The following ACSF3 variants were observed in gnomAD, a reference collection of about 807,000 sequenced individuals.
The protein encoded by ACSF3 is acyl-CoA synthetase family member 3.
Under a neutral mutation model 53.2 loss-of-function variants are expected in ACSF3, and 78 were observed. The observed-to-expected ratio is 1.47, with a 90% CI of 1.22 to 1.77. The LOEUF (loss-of-function observed/expected upper bound fraction) is 1.77, where lower values mean the gene tolerates loss of function less well. ACSF3 is among the 40% of genes most tolerant of loss of function. The pLI is 0.00. For synonymous variants in ACSF3, 414 were observed against 333.1 expected, an observed-to-expected ratio of 1.24 and a Z score of -2.65; for missense variants, 937 against 771.1, an observed-to-expected ratio of 1.22 and a Z score of -2.55.
At chr16:89,152,939 G>C (rs967586383) in intron 10 of ACSF3, 1 of 152,162 alleles carries the variant, frequency 6.6e-6, no homozygotes, top group East Asian at 1.9e-4. Flanking sequence ...GGTTGACAGC[G>C]ACACCGAGGT....
chr16:89,121,253 G>C (rs1209031341), intron 7 of ACSF3, among the ~76,000 whole-genome samples: 1 of 152,248 alleles, frequency 6.6e-6, no homozygotes, highest in Admixed American at 6.5e-5. Context: ...AAGCGGAAGA[G>C]ATAAAGAGCA....
intron 3 of ACSF3, 102 bp from the exon 4 acceptor site, chr16:89,102,502 G>A (rs979238832): frequency 5.1e-6 from 7 of 1,384,116 alleles, no homozygotes; most frequent in Non-Finnish European, 6.1e-6. Flanking sequence ...CCCTTCCTCA[G>A]TGGGGAGGCC....
At chr16:89,144,289 G>A (rs1423079142) in intron 8 of ACSF3, among the ~76,000 whole-genome samples, 2 of 152,252 alleles carry the variant, frequency 1.3e-5, no homozygotes, top group African/African-American at 4.8e-5. Flanking sequence ...TCCAGGAACT[G>A]CACGGGGAGG....
At chr16:89,102,785 T>C in intron 4 of ACSF3, 26 bp downstream of exon 4, 1 of 1,596,990 alleles carries the variant, frequency 6.3e-7, no homozygotes, top group East Asian at 2.2e-5. Context: ...GGCTCTCGGT[T>C]GCACCCTCAG....
At chr16:89,102,514 A>G (rs534255994) in intron 3 of ACSF3, 90 bp from the exon 4 acceptor site, 19 of 1,493,192 alleles carry the variant, frequency 1.3e-5, no homozygotes, top group South Asian at 1.0e-4. Context: ...GGGGAGGCCC[A>G]GAGCTCCTTT....
chr16:89,101,907 A>G (rs1975391637), intron 3 of ACSF3, among the ~76,000 whole-genome samples: 2 of 152,218 alleles, frequency 1.3e-5, no homozygotes, highest in African/African-American at 4.8e-5. Flanking sequence ...ACGAGGCGCC[A>G]TGAGCACACA....
At chr16:89,143,289 C>T (rs1034289876) in intron 8 of ACSF3, among the ~76,000 whole-genome samples, 2 of 152,256 alleles carry the variant, frequency 1.3e-5, no homozygotes, top group African/African-American at 4.8e-5. Flanking sequence ...GGAGCCAGGA[C>T]ACAGGCAGCT....
intron 7 of ACSF3, among the ~76,000 whole-genome samples, chr16:89,132,119 C>T (rs574199019): frequency 2.0e-5 from 3 of 152,398 alleles, no homozygotes; most frequent in South Asian, 4.1e-4. Context: ...GGCGTTTGAG[C>T]GCCCTTTCTC....
At chr16:89,138,997 T>G (rs1257168566) in intron 8 of ACSF3, among the ~76,000 whole-genome samples, 2 of 152,200 alleles carry the variant, frequency 1.3e-5, no homozygotes, top group African/African-American at 2.4e-5. Flanking sequence ...GGTCCCCGCA[T>G]CCCGAGGGCC....
intron 8 of ACSF3, among the ~76,000 whole-genome samples, chr16:89,135,947 G>A (rs541691553): frequency 5.9e-5 from 9 of 152,344 alleles, no homozygotes; most frequent in African/African-American, 2.2e-4. Context: ...GCTAATTTTT[G>A]TATTTTTAGT....
At chr16:89,153,375 C>T (rs967734401) in intron 10 of ACSF3, 1 of 155,258 alleles carries the variant, frequency 6.4e-6, no homozygotes, top group African/African-American at 2.4e-5. Context: ...TTTCAGATCC[C>T]AGCGCCTCGT....
chr16:89,095,976 C>T (rs1359856822), intron 1 of ACSF3, among the ~76,000 whole-genome samples: 1 of 152,228 alleles, frequency 6.6e-6, no homozygotes, highest in Admixed American at 6.5e-5. Flanking sequence ...TCCCGCTGCG[C>T]TGCATGTGTG....
At chr16:89,139,668 G>A (rs1911363589) in intron 8 of ACSF3, among the ~76,000 whole-genome samples, 2 of 146,362 alleles carry the variant, frequency 1.4e-5, no homozygotes, top group Admixed American at 7.0e-5. Flanking sequence ...TCTCGGCTCA[G>A]TGCAACCTCC....
chr16:89,114,708 G>T, intron 6 of ACSF3: 1 of 668,512 alleles, frequency 1.5e-6, no homozygotes, highest in South Asian at 1.7e-5. Context: ...GATGGGGGAG[G>T]TGTCTGTGCT....
intron 5 of ACSF3, chr16:89,113,196 G>T (rs1904356510): frequency 6.6e-6 from 1 of 152,228 alleles, no homozygotes; most frequent in Non-Finnish European, 1.5e-5. Context: ...GGGTGGCGTG[G>T]AGGGTGCACT....
At chr16:89,132,578 C>A (rs1395209248) in intron 7 of ACSF3, among the ~76,000 whole-genome samples, 1 of 152,256 alleles carries the variant, frequency 6.6e-6, no homozygotes, top group Non-Finnish European at 1.5e-5. Flanking sequence ...CAGGGACCCT[C>A]CACCCTCAGG....
At chr16:89,125,174 C>T (rs904333357) in intron 7 of ACSF3, among the ~76,000 whole-genome samples, 1 of 151,998 alleles carries the variant, frequency 6.6e-6, no homozygotes, top group Non-Finnish European at 1.5e-5. Context: ...TGAAACCCGT[C>T]TCTACTAAAA....
chr16:89,147,638 C>G (rs1326889768), intron 10 of ACSF3: 1 of 151,392 alleles, frequency 6.6e-6, no homozygotes, highest in Non-Finnish European at 1.5e-5. Context: ...AACTCACTCA[C>G]TAGCACGAGA....
chr16:89,147,234 T>G (rs1305592693), intron 10 of ACSF3, among the ~76,000 whole-genome samples: 30 of 26,444 alleles, frequency 1.1e-3, no homozygotes, highest in African/African-American at 2.6e-3. Context: ...ACAGAGTGAG[T>G]GAGGGAGGAG....
Sources: gnomAD v4.1 joint callset for allele counts (sites outside exome capture counted in the v4.1 genomes callset) on GRCh38, gnomAD v4.1.1 for gene constraint, MANE v1.5 for transcripts, NCBI Gene and HGNC (gene_info 2026-07-23, HGNC 2026-07-21) for gene names.